Variants in OCA2 observed in about 807,000 individuals in gnomAD.
OCA2 encodes P protein.
In OCA2, 77 loss-of-function variants were observed where a neutral mutation model predicts 100.2. The observed-to-expected ratio is 0.77, with a 90% CI of 0.64 to 0.93. OCA2 has a LOEUF of 0.93. Ranked by LOEUF, OCA2 falls within the 40% of genes least tolerant of loss-of-function variation. The pLI is 0.00. For synonymous variants in OCA2, 432 were observed against 439.2 expected, an observed-to-expected ratio of 0.98 and a Z score of 0.21; for missense variants, 1,062 against 1,089.1, an observed-to-expected ratio of 0.98 and a Z score of 0.35.
chr15:27,992,203 C>T (rs773901808), intron 9 of OCA2, among the ~76,000 whole-genome samples: 2 of 152,004 alleles, frequency 1.3e-5, no homozygotes, highest in Non-Finnish European at 2.9e-5. Context: ...TGGGTTCAAG[C>T]AATTCTCTTG....
chr15:27,792,543 C>T (rs2151133804), intron 23 of OCA2, among the ~76,000 whole-genome samples: 1 of 152,324 alleles, frequency 6.6e-6, no homozygotes. Flanking sequence ...CCTCACCTCC[C>T]ACACGAGCCA....
chr15:28,034,946 A>C (rs1025590107), intron 2 of OCA2, among the ~76,000 whole-genome samples: 2 of 152,090 alleles, frequency 1.3e-5, no homozygotes, highest in Non-Finnish European at 1.5e-5. Context: ...GGGTCAGGAG[A>C]CCCTCAGGAG....
rs60426286 is a variant in OCA2 at position 27,922,680 on chromosome 15, G to GGTGTGTGTGT, written c.2079+3437_2079+3446dup. Among the ~76,000 whole-genome samples the GGTGTGTGTGT allele has an allele frequency of 3.6e-3, 534 of 147,200 alleles. 2 individuals are homozygous for GGTGTGTGTGT. The highest frequency in any genetic ancestry group is 0.014 in the Middle Eastern group (4 of 278). On this transcript the variant is annotated intron_variant, in intron 19 of 23. Transcript: ENST00000354638. ...ATAGCTTTTGTGGTTTTTTGTTTGG[G>GGTGTGTGTGT]GTGTGTGTGTGTGTGTGTGTGTGTG...
At chr15:27,882,488 GT>G (rs1361840415) in intron 19 of OCA2, among the ~76,000 whole-genome samples, 6 of 152,042 alleles carry the variant, frequency 3.9e-5, no homozygotes, top group African/African-American at 1.4e-4. Context: ...ATTGATCATA[GT>G]TATAAAAGCT....
chr15:28,042,656 T>TAATA (rs764760430), intron 2 of OCA2, among the ~76,000 whole-genome samples: 93 of 76,354 alleles, frequency 1.2e-3, no homozygotes, highest in East Asian at 5.7e-3. Flanking sequence ...AATAAATAAA[T>TAATA]AATAAATAAA....
At chr15:28,097,839 G>C (rs757326343) in intron 1 of OCA2, among the ~76,000 whole-genome samples, 91 of 152,212 alleles carry the variant, frequency 6.0e-4, no homozygotes, top group Non-Finnish European at 1.0e-3. Flanking sequence ...ACACTCAGTG[G>C]GAAGGCCTTG....
At chr15:27,955,258 T>TCC in intron 16 of OCA2, 43 bp from the exon 17 acceptor site, 2 of 1,450,814 alleles carry the variant, frequency 1.4e-6, no homozygotes, top group Non-Finnish European at 1.9e-6. Context: ...CTGGTCACGC[T>TCC]GCGTGGTGAG....
rs2044642220 is a variant in OCA2 at position 28,081,851 on chromosome 15, G to A, written c.24C>T (p.Gly8=). The A allele has an allele frequency of 6.2e-7, 1 of 1,611,188 alleles. No homozygotes were observed. The highest frequency in any genetic ancestry group is 1.3e-5 in the African/African-American group (1 of 75,038). Residue 8 remains glycine, a synonymous_variant, in exon 2 of 24, where the codon GGC becomes GGT. Transcript: ENST00000354638. ...CCGCCGGCGCGCCGGGGTACCGCCTGCCGTCTCTGCCCTCCAGATGCATGC... is the reference window on the plus strand; with the variant it reads ...CCGCCGGCGCGCCGGGGTACCGCCTACCGTCTCTGCCCTCCAGATGCATGC... MHLEGRD[G]RRYPGAPAVE...
At chr15:27,987,245 A>G (rs1806441904) in intron 11 of OCA2, among the ~76,000 whole-genome samples, 1 of 152,140 alleles carries the variant, frequency 6.6e-6, no homozygotes, top group South Asian at 2.1e-4. Flanking sequence ...AAACAGAAAC[A>G]GCCATCCTGG....
chr15:28,086,936 G>A (rs2044785468), intron 1 of OCA2, among the ~76,000 whole-genome samples: 1 of 152,144 alleles, frequency 6.6e-6, no homozygotes, highest in Non-Finnish European at 1.5e-5. Context: ...AGAGACCTAT[G>A]GGACCATAAC....
At chr15:28,048,234 A>T (rs540751483) in intron 2 of OCA2, among the ~76,000 whole-genome samples, 204 of 152,336 alleles carry the variant, frequency 1.3e-3, no homozygotes, top group African/African-American at 4.7e-3. Flanking sequence ...ATTCCAAAGA[A>T]ATGTAAAAGC....
intron 9 of OCA2, among the ~76,000 whole-genome samples, chr15:28,005,338 T>C (rs1316947821): frequency 6.6e-6 from 1 of 152,090 alleles, no homozygotes. Context: ...CACATCTCCA[T>C]TGGCAAAACC....
At chr15:27,954,762 T>A (rs2040161652) in intron 17 of OCA2, among the ~76,000 whole-genome samples, 2 of 151,034 alleles carry the variant, frequency 1.3e-5, no homozygotes, top group Non-Finnish European at 1.5e-5. Context: ...GGCAGCACAC[T>A]CACGCATCCT....
intron 23 of OCA2, among the ~76,000 whole-genome samples, chr15:27,814,478 G>A (rs2034201064): frequency 6.6e-6 from 1 of 152,194 alleles, no homozygotes; most frequent in African/African-American, 2.4e-5. Flanking sequence ...ATAGTCATGG[G>A]AAACTTGAAA....
chr15:28,079,483 G>T (rs191878786), intron 2 of OCA2, among the ~76,000 whole-genome samples: 1 of 152,176 alleles, frequency 6.6e-6, no homozygotes, highest in Non-Finnish European at 1.5e-5. Context: ...AGGGCCATGT[G>T]GGCAACAGCC....
At chr15:28,017,439 G>A (rs1433709061) in intron 7 of OCA2, among the ~76,000 whole-genome samples, 1 of 152,172 alleles carries the variant, frequency 6.6e-6, no homozygotes, top group Non-Finnish European at 1.5e-5. Flanking sequence ...CCTTCTCCAT[G>A]CAAGTCCCAG....
chr15:27,891,391 T>G (rs1163008418), intron 19 of OCA2, among the ~76,000 whole-genome samples: 1 of 152,162 alleles, frequency 6.6e-6, no homozygotes, highest in Non-Finnish European at 1.5e-5. Flanking sequence ...AACATGGGTA[T>G]GTACTGGAAA....
intron 14 of OCA2, among the ~76,000 whole-genome samples, chr15:27,970,913 C>T (rs528467235): frequency 2.0e-5 from 3 of 150,660 alleles, no homozygotes; most frequent in African/African-American, 4.9e-5. Context: ...GATGGGAAAA[C>T]GTAAAGAACG....
At chr15:27,945,021 A>G (rs550634406) in intron 18 of OCA2, among the ~76,000 whole-genome samples, 2 of 152,342 alleles carry the variant, frequency 1.3e-5, no homozygotes, top group South Asian at 4.1e-4. Flanking sequence ...TATGTTCACC[A>G]CACTAGCCCC....
Sources: gnomAD v4.1 joint callset for allele counts (sites outside exome capture counted in the v4.1 genomes callset) on GRCh38, gnomAD v4.1.1 for gene constraint, MANE v1.5 for transcripts, NCBI Gene and HGNC (gene_info 2026-07-23, HGNC 2026-07-21) for gene names.